Variants in PCDHA7 observed in about 807,000 individuals in gnomAD.
The protein encoded by PCDHA7 is protocadherin alpha 7.
Under a neutral mutation model 57.2 loss-of-function variants are expected in PCDHA7, and 37 were observed. The observed-to-expected ratio is 0.65, with a 90% CI of 0.50 to 0.85. The LOEUF is 0.85. PCDHA7 is among the 40% of genes least tolerant of loss of function. The probability of loss-of-function intolerance (pLI) is 0.00; values close to 1 mark genes in which losing one functional copy is unlikely to be tolerated. For synonymous variants in PCDHA7, 553 were observed against 558.8 expected, an observed-to-expected ratio of 0.99 and a Z score of 0.15; for missense variants, 1,188 against 1,241.8, an observed-to-expected ratio of 0.96 and a Z score of 0.65.
intron 1 of PCDHA7, chr5:140,869,872 A>G: frequency 6.2e-7 from 1 of 1,610,558 alleles, no homozygotes; most frequent in Admixed American, 1.7e-5. Context: ...AAATGCTGCT[A>G]AAGAAACTCT....
At chr5:140,838,166 T>C (rs1354444358) in intron 1 of PCDHA7, among the ~76,000 whole-genome samples, 1 of 147,660 alleles carries the variant, frequency 6.8e-6, no homozygotes, top group African/African-American at 2.5e-5. Context: ...CTCTCTGGAG[T>C]GCAGTGGTGC....
chr5:140,954,290 G>T (rs2095014659), intron 1 of PCDHA7, among the ~76,000 whole-genome samples: 1 of 152,126 alleles, frequency 6.6e-6, no homozygotes, highest in Non-Finnish European at 1.5e-5. Flanking sequence ...ATTCCTTTGG[G>T]TACATACCCA....
intron 1 of PCDHA7, among the ~76,000 whole-genome samples, chr5:140,954,988 A>G (rs554115730): frequency 2.0e-5 from 3 of 152,204 alleles, no homozygotes; most frequent in Admixed American, 6.5e-5. Context: ...AATTTTCTGC[A>G]TATGGCTAGC....
At chr5:140,865,843 A>G (rs539804831) in intron 1 of PCDHA7, 2 of 152,278 alleles carry the variant, frequency 1.3e-5, no homozygotes, top group South Asian at 4.1e-4. Context: ...TTAGTAAGTC[A>G]TTTCTCTGCT....
intron 1 of PCDHA7, among the ~76,000 whole-genome samples, chr5:140,974,883 C>T (rs1188748856): frequency 1.3e-5 from 2 of 152,154 alleles, no homozygotes; most frequent in Non-Finnish European, 2.9e-5. Context: ...CTATGTATCC[C>T]TTTTCTGATG....
rs1266651704 is a variant in PCDHA7, at chr5:140,877,267, G to A, written c.2355+40529G>A. ...GGTGGCGAAAGTGCGCGCGGTGGAC[G>A]CTGACTCCGGCTATAACGCTTGGCT... On this transcript the variant is annotated intron_variant, in intron 1 of 3. Coordinates refer to ENST00000525929, the MANE Select transcript of PCDHA7 (RefSeq NM_018910.3). 1.2e-5 allele frequency: 20 copies of A among 1,613,680 alleles called. No homozygotes were observed. Among genetic ancestry groups the A allele is most frequent in the Admixed American group, 6.7e-5 (4 of 59,982 alleles).
intron 1 of PCDHA7, chr5:140,870,599 G>A: frequency 6.2e-7 from 1 of 1,613,396 alleles, no homozygotes; most frequent in South Asian, 1.1e-5. Flanking sequence ...CGGCGGTTGG[G>A]CGACCGCGCG....
chr5:140,990,369 C>T (rs2097390541), intron 3 of PCDHA7, among the ~76,000 whole-genome samples: 1 of 152,054 alleles, frequency 6.6e-6, no homozygotes, highest in South Asian at 2.1e-4. Flanking sequence ...TCTAATAAAG[C>T]AAATTTGTTG....
chr5:140,983,665 A>G (rs1161885514), intron 3 of PCDHA7, among the ~76,000 whole-genome samples: 3 of 152,248 alleles, frequency 2.0e-5, no homozygotes, highest in Non-Finnish European at 4.4e-5. Flanking sequence ...GGCAGAGGGT[A>G]GGATTCAAAC....
chr5:140,986,036 G>A (rs2097184937), intron 3 of PCDHA7, among the ~76,000 whole-genome samples: 2 of 152,116 alleles, frequency 1.3e-5, no homozygotes, highest in Admixed American at 1.3e-4. Context: ...ACTGCGCCTG[G>A]CCTCACTGAT....
intron 1 of PCDHA7, among the ~76,000 whole-genome samples, chr5:140,972,527 C>A (rs1173109086): frequency 6.6e-6 from 1 of 152,092 alleles, no homozygotes; most frequent in Non-Finnish European, 1.5e-5. Flanking sequence ...GAGCTTATTT[C>A]ATAAATCACT....
intron 1 of PCDHA7, among the ~76,000 whole-genome samples, chr5:140,900,073 G>C (rs1490261769): frequency 6.6e-6 from 1 of 152,072 alleles, no homozygotes; most frequent in South Asian, 2.1e-4. Context: ...GCCTCCAAAA[G>C]TGCTGCAGTT....
intron 1 of PCDHA7, among the ~76,000 whole-genome samples, chr5:140,855,023 G>A (rs115040572): frequency 1.3e-5 from 2 of 149,492 alleles, no homozygotes; most frequent in South Asian, 2.1e-4. Flanking sequence ...GAAACTTCTT[G>A]TATAAAGGAT....
intron 1 of PCDHA7, chr5:140,966,279 G>C (rs1429727504): frequency 3.3e-5 from 12 of 364,508 alleles, no homozygotes; most frequent in Non-Finnish European, 4.9e-5. Context: ...ACTGGACAGT[G>C]GGGGTAGGGA....
chr5:140,947,020 G>A (rs782772876), intron 1 of PCDHA7, among the ~76,000 whole-genome samples: 3 of 151,616 alleles, frequency 2.0e-5, no homozygotes, highest in Non-Finnish European at 4.4e-5. Flanking sequence ...AATGTTTGAG[G>A]TAATGGATAT....
chr5:140,925,397 C>T (rs2082477792), intron 1 of PCDHA7, among the ~76,000 whole-genome samples: 1 of 152,048 alleles, frequency 6.6e-6, no homozygotes, highest in African/African-American at 2.4e-5. Flanking sequence ...TTTGGCTCGC[C>T]TCCTTCTTAG....
intron 1 of PCDHA7, among the ~76,000 whole-genome samples, chr5:140,936,528 T>C (rs2091012406): frequency 6.6e-6 from 1 of 152,244 alleles, no homozygotes; most frequent in Non-Finnish European, 1.5e-5. Flanking sequence ...TGAAATTGCT[T>C]TTGAATATAG....
In PCDHA7 at chr5:140,835,466, G is replaced by A. The variant is rs1289666864; in HGVS notation, c.1083G>A (p.Glu361=). ...TLTSLSLPIP[E]DAQPGTVITL... Reference sequence around the variant, plus strand: ...CTTCCCTGTCTCTCCCTATTCCAGAGGACGCCCAACCAGGTACCGTCATCA... The same window carrying A: ...CTTCCCTGTCTCTCCCTATTCCAGAAGACGCCCAACCAGGTACCGTCATCA... Residue 361 remains glutamate (E), a synonymous_variant, in exon 1 of 4, where the codon GAG becomes GAA. Coordinates refer to ENST00000525929, the MANE Select transcript of PCDHA7 (RefSeq NM_018910.3). 6 of 1,613,784 alleles carry A rather than the reference G, an allele frequency of 3.7e-6. No homozygotes were observed. The highest frequency in any genetic ancestry group is 5.1e-6 in the Non-Finnish European group (6 of 1,179,882).
At chr5:140,852,176 A>G in intron 1 of PCDHA7, 1 of 792,442 alleles carries the variant, frequency 1.3e-6, no homozygotes, top group South Asian at 5.6e-5. Flanking sequence ...CACAAAAATA[A>G]CTATGAAAAT....
Sources: gnomAD v4.1 joint callset for allele counts (sites outside exome capture counted in the v4.1 genomes callset) on GRCh38, gnomAD v4.1.1 for gene constraint, MANE v1.5 for transcripts, NCBI Gene and HGNC (gene_info 2026-07-23, HGNC 2026-07-21) for gene names.